The following ANKRD6 variants were observed in gnomAD, a reference collection of about 807,000 sequenced individuals.
ANKRD6 encodes the protein ankyrin repeat domain-containing protein 6.
A neutral mutation model predicts 82.3 loss-of-function variants in ANKRD6; 56 were observed. That is an observed-to-expected ratio of 0.68 (90% CI 0.55 to 0.85). The LOEUF (loss-of-function observed/expected upper bound fraction) is 0.85. ANKRD6 is among the 40% of genes least tolerant of loss of function. The pLI is 0.00. For synonymous variants in ANKRD6, 347 were observed against 352.1 expected (o/e 0.99, Z 0.16); for missense variants, 852 against 907.6 (o/e 0.94, Z 0.79).
At chr6:89,516,351 A>G (rs920542340) in intron 1 of ANKRD6, among the ~76,000 whole-genome samples, 2 of 152,194 alleles carry the variant, frequency 1.3e-5, no homozygotes, top group African/African-American at 2.4e-5. Flanking sequence ...TAAGACTTAC[A>G]ACCATCAGGG....
chr6:89,629,224 G>A lies in ANKRD6; in HGVS notation c.1598G>A (p.Cys533Tyr). 6.2e-7 allele frequency: 1 copy of A among 1,613,692 alleles called. No individual in the cohort carries two copies. The highest frequency in any genetic ancestry group is 8.5e-7 in the Non-Finnish European group (1 of 1,179,816). The change falls in exon 15 of 16, where the codon TGT becomes TAT. Residue 533 changes from cysteine (C) to tyrosine (Y), a missense_variant. Transcript: ENST00000339746. ...AGAGCTAAATCCACACCATCTACTT[G>A]TGAGTCCTCTACAGGTAACCCACAC... Reference protein sequence around the residue: ...ACRAKSTPSTCESSTGVDQLV... With the variant: ...ACRAKSTPSTYESSTGVDQLV...
chr6:89,489,137 G>T (rs1397696430), intron 1 of ANKRD6, among the ~76,000 whole-genome samples: 1 of 152,122 alleles, frequency 6.6e-6, no homozygotes, highest in African/African-American at 2.4e-5. Context: ...TCCTGAAGGG[G>T]TCTCAGTGCC....
At chr6:89,555,111 C>T (rs1339615004) in intron 1 of ANKRD6, among the ~76,000 whole-genome samples, 1 of 137,746 alleles carries the variant, frequency 7.3e-6, no homozygotes, top group East Asian at 2.4e-4. Flanking sequence ...CCCCCTCCCC[C>T]GCCTCAGCGT....
At chr6:89,603,204 T>G (rs1797647710) in intron 4 of ANKRD6, 77 bp downstream of exon 4, 4 of 1,311,760 alleles carry the variant, frequency 3.0e-6, no homozygotes, top group Non-Finnish European at 4.3e-6. Context: ...GAGCCCGCTC[T>G]GGAAACTTTT....
chr6:89,579,497 G>A (rs1456577921), intron 2 of ANKRD6, among the ~76,000 whole-genome samples: 1 of 152,136 alleles, frequency 6.6e-6, no homozygotes, highest in Non-Finnish European at 1.5e-5. Context: ...AAGGCCGGGT[G>A]CAGTGGCTCA....
intron 11 of ANKRD6, 125 bp from the exon 12 acceptor site, chr6:89,623,747 A>G: frequency 3.2e-6 from 4 of 1,257,024 alleles, no homozygotes; most frequent in Non-Finnish European, 4.4e-6. Context: ...GGCTTGGAGT[A>G]GGACACCATG....
chr6:89,502,735 A>G (rs1225865090), intron 1 of ANKRD6, among the ~76,000 whole-genome samples: 3 of 152,238 alleles, frequency 2.0e-5, no homozygotes, highest in Non-Finnish European at 2.9e-5. Context: ...AAATCCCATT[A>G]TGATAATAGC....
At chr6:89,505,604 A>G (rs1779748647) in intron 1 of ANKRD6, among the ~76,000 whole-genome samples, 1 of 152,196 alleles carries the variant, frequency 6.6e-6, no homozygotes, top group South Asian at 2.1e-4. Flanking sequence ...GCCTCCTGGC[A>G]CTCAAGAGAG....
intron 1 of ANKRD6, among the ~76,000 whole-genome samples, chr6:89,442,636 CAAA>C (rs59245345): frequency 1.4e-4 from 14 of 97,454 alleles, no homozygotes; most frequent in Non-Finnish European, 1.4e-4. Flanking sequence ...AACCCTGTCT[CAAA>C]AAAAAAAAAA....
chr6:89,613,982 G>C, intron 7 of ANKRD6, 92 bp downstream of exon 7: 1 of 1,309,358 alleles, frequency 7.6e-7, no homozygotes, highest in Non-Finnish European at 1.1e-6. Flanking sequence ...AGAGGCTGCT[G>C]GGAAGCTGCC....
Position 89,566,885 on chromosome 6 carries a change from T to G in ANKRD6, c.-92T>G. On this transcript the variant is annotated 5_prime_UTR_variant, in exon 2 of 16. Coordinates refer to ENST00000339746, the MANE Select transcript of ANKRD6 (RefSeq NM_001242809.2). ...ACATCTTCTGATGATTGTGAACATC[T>G]TTACCTCTGGGTGCCAGGCCGGGCC... 6.7e-7 allele frequency: 1 copy of G among 1,492,468 alleles called. No homozygotes were observed. The highest frequency in any genetic ancestry group is 1.3e-5 in the South Asian group (1 of 79,696). 92.5% of individuals were successfully genotyped at this position (1,492,468 alleles called of 1,614,324 possible).
intron 1 of ANKRD6, among the ~76,000 whole-genome samples, chr6:89,485,228 C>G (rs1777232164): frequency 1.3e-5 from 2 of 152,184 alleles, no homozygotes; most frequent in Non-Finnish European, 1.5e-5. Flanking sequence ...TGGCAAGCAT[C>G]TAAAATAATG....
At chr6:89,576,120 C>T (rs1791063791) in intron 2 of ANKRD6, among the ~76,000 whole-genome samples, 1 of 151,768 alleles carries the variant, frequency 6.6e-6, no homozygotes, top group Non-Finnish European at 1.5e-5. Flanking sequence ...GGTGCGATCT[C>T]AGCTCACTGC....
intron 1 of ANKRD6, among the ~76,000 whole-genome samples, chr6:89,529,488 C>G (rs1489515223): frequency 6.6e-6 from 1 of 152,182 alleles, no homozygotes; most frequent in African/African-American, 2.4e-5. Context: ...TCTATCCAGA[C>G]CAAACTTTCT....
In ANKRD6 at chr6:89,531,441, C is replaced by T. The variant is rs181600236; in HGVS notation, c.-143-35393C>T. 1.0e-3 allele frequency among the ~76,000 whole-genome samples: 157 copies of T among 152,366 alleles called. 1 individual carries two copies. The highest frequency in any genetic ancestry group is 3.4e-3 in the Admixed American group (52 of 15,306). On this transcript the variant is annotated intron_variant, in intron 1 of 15. Transcript: ENST00000339746. Reference sequence around the variant, plus strand: ...TATCCAACCATGTGGATCGAAGCATCTTGATATTTTATGGATTCTTCCATT... The same window carrying T: ...TATCCAACCATGTGGATCGAAGCATTTTGATATTTTATGGATTCTTCCATT...
chr6:89,571,886 T>C (rs963981552), intron 2 of ANKRD6, among the ~76,000 whole-genome samples: 1 of 152,240 alleles, frequency 6.6e-6, no homozygotes, highest in Non-Finnish European at 1.5e-5. Context: ...AGATTATTTT[T>C]ACTGCTCTAA....
chr6:89,581,368 A>G (rs1792486044), intron 2 of ANKRD6, among the ~76,000 whole-genome samples: 1 of 152,224 alleles, frequency 6.6e-6, no homozygotes, highest in Non-Finnish European at 1.5e-5. Flanking sequence ...TTTGACAGCT[A>G]GAGCTAAATT....
chr6:89,549,807 A>G (rs1400248926), intron 1 of ANKRD6, among the ~76,000 whole-genome samples: 1 of 152,164 alleles, frequency 6.6e-6, no homozygotes, highest in Non-Finnish European at 1.5e-5. Flanking sequence ...GGTACATTTG[A>G]ATGTGAGAAA....
At chr6:89,605,419 T>A (rs1003123653) in intron 4 of ANKRD6, among the ~76,000 whole-genome samples, 1 of 152,224 alleles carries the variant, frequency 6.6e-6, no homozygotes, top group African/African-American at 2.4e-5. Context: ...TTGTTTGTTT[T>A]ATTTCCAAAT....
Sources: allele counts gnomAD v4.1 joint callset (sites outside exome capture counted in the v4.1 genomes callset), GRCh38; gene constraint gnomAD v4.1.1; transcripts MANE v1.5; gene names NCBI Gene and HGNC (gene_info 2026-07-23, HGNC 2026-07-21).